GALNTL6: variants seen among roughly 807,000 people sequenced by gnomAD.
The protein encoded by GALNTL6 is polypeptide N-acetylgalactosaminyltransferase-like 6.
Under a neutral mutation model 73.7 loss-of-function variants are expected in GALNTL6, and 46 were observed. The ratio of observed to expected loss-of-function variants is 0.62; its 90% confidence interval spans 0.49 to 0.80. The LOEUF (loss-of-function observed/expected upper bound fraction) is 0.80, where lower values mean the gene tolerates loss of function less well. Ranked by LOEUF, GALNTL6 falls within the 30% of genes least tolerant of loss-of-function variation. GALNTL6 has a pLI of 0.00. For synonymous variants in GALNTL6, 259 were observed against 263.7 expected, an observed-to-expected ratio of 0.98 and a Z score of 0.17; for missense variants, 604 against 755.0, an observed-to-expected ratio of 0.80 and a Z score of 2.34.
chr4:172,642,053 G>A (rs979323122), intron 5 of GALNTL6, among the ~76,000 whole-genome samples: 35 of 151,954 alleles, frequency 2.3e-4, no homozygotes, highest in African/African-American at 8.5e-4. Flanking sequence ...TATTAGAATG[G>A]TTATTATCAA....
At chr4:172,325,940 T>G (rs1740926230) in intron 4 of GALNTL6, among the ~76,000 whole-genome samples, 1 of 151,848 alleles carries the variant, frequency 6.6e-6, no homozygotes, top group African/African-American at 2.4e-5. Flanking sequence ...ATGAAATATT[T>G]ATCGAAACAG....
At chr4:172,308,590 A>G (rs532715042) in intron 3 of GALNTL6, among the ~76,000 whole-genome samples, 22 of 152,226 alleles carry the variant, frequency 1.4e-4, no homozygotes, top group Non-Finnish European at 2.9e-4. Context: ...TGAGATAATC[A>G]TATGATTTTT....
Position 171,859,656 on chromosome 4 carries a change from A to G in GALNTL6, c.138+44938A>G, listed in dbSNP as rs375379249. 5.3e-5 allele frequency among the ~76,000 whole-genome samples: 8 copies of G among 152,250 alleles called. No individual in the cohort carries two copies. In the East Asian group the frequency reaches 5.8e-4, roughly 11 times the overall value. ...TTCTAGGCAGAGATAGTAGAGTTGC[A>G]AAAGGACCCACGTAGTTCTCCCAGC... On this transcript the variant is annotated intron_variant, in intron 2 of 12. Coordinates refer to ENST00000506823, the MANE Select transcript of GALNTL6 (RefSeq NM_001034845.3).
At chr4:172,309,462 G>A (rs1233661152) in intron 3 of GALNTL6, among the ~76,000 whole-genome samples, 4 of 151,716 alleles carry the variant, frequency 2.6e-5, no homozygotes, top group South Asian at 2.1e-4. Flanking sequence ...TGTTTTAAAG[G>A]GTACTAGAAA....
intron 5 of GALNTL6, among the ~76,000 whole-genome samples, chr4:172,601,258 A>G (rs904953721): frequency 1.3e-5 from 2 of 152,216 alleles, no homozygotes; most frequent in African/African-American, 4.8e-5. Context: ...TCTGAAGTTC[A>G]GAGAAAATGA....
intron 5 of GALNTL6, among the ~76,000 whole-genome samples, chr4:172,379,199 T>A (rs1478312418): frequency 1.3e-5 from 2 of 152,174 alleles, no homozygotes; most frequent in South Asian, 4.1e-4. Context: ...ATCTACAGCA[T>A]CTAAATAAAG....
At chr4:171,927,872 G>A (rs1241235821) in intron 2 of GALNTL6, among the ~76,000 whole-genome samples, 1 of 152,110 alleles carries the variant, frequency 6.6e-6, no homozygotes, top group African/African-American at 2.4e-5. Context: ...GTCACACAAA[G>A]TTCTTTCTTT....
intron 2 of GALNTL6, among the ~76,000 whole-genome samples, chr4:172,168,637 G>A (rs577590485): frequency 2.0e-5 from 3 of 152,112 alleles, no homozygotes; most frequent in African/African-American, 7.2e-5. Context: ...TGATGGTGAT[G>A]TTGATGAAGC....
intron 2 of GALNTL6, among the ~76,000 whole-genome samples, chr4:172,178,276 A>G (rs1296337967): frequency 6.6e-6 from 1 of 152,056 alleles, no homozygotes; most frequent in Non-Finnish European, 1.5e-5. Flanking sequence ...TTTGAGTTCT[A>G]TTTTCTTTTT....
chr4:173,038,244 T>A (rs985938178), intron 12 of GALNTL6, among the ~76,000 whole-genome samples: 16 of 152,164 alleles, frequency 1.1e-4, no homozygotes, highest in African/African-American at 3.9e-4. Flanking sequence ...TGGTTGGGGC[T>A]GGGAGAATGA....
Position 172,863,672 on chromosome 4 carries a change from G to GTGAGACTT in GALNTL6, c.924-19114_924-19107dup, listed in dbSNP as rs200382649. Among the ~76,000 whole-genome samples, 1,247 of 152,260 alleles carry GTGAGACTT rather than the reference G, an allele frequency of 8.2e-3. 23 individuals are homozygous for GTGAGACTT. The highest frequency in any genetic ancestry group is 0.027 in the African/African-American group (1,124 of 41,542). ...TCAGAAGAGATTTGCCTTGTCTCAG[G>GTGAGACTT]TGAGACTTTGAACTGTGTACTTTTG... On this transcript the variant is annotated intron_variant, in intron 7 of 12. Transcript: ENST00000506823.
At chr4:172,452,088 G>C (rs750652099) in intron 5 of GALNTL6, among the ~76,000 whole-genome samples, 1 of 152,104 alleles carries the variant, frequency 6.6e-6, no homozygotes, top group East Asian at 1.9e-4. Flanking sequence ...TGAATTCAGA[G>C]TATTCCAGAA....
At position 172,229,783 on chromosome 4, in the gene GALNTL6, G is replaced by A. The variant is rs73870041; in HGVS notation, c.247+19G>A. On this transcript the variant is annotated intron_variant, in intron 3 of 12. Transcript: ENST00000506823. ...CGCTCAGGTATGAAGCTCAGTGTAC[G>A]CCAAAGTGCTATTTCACTCGCAGCA... 23 of 1,454,202 alleles carry A rather than the reference G, an allele frequency of 1.6e-5. No homozygotes were observed. Among genetic ancestry groups the A allele is most frequent in the South Asian group, 4.6e-5 (4 of 86,912 alleles). The allele number at this position is 1,454,202 out of a possible 1,614,324, so 90.1% of individuals were successfully genotyped here. A position where few individuals can be genotyped will look rare whatever the true frequency, so the allele number is the denominator to read the frequency against.
At position 172,585,545 on chromosome 4, in the gene GALNTL6, T is replaced by C. The variant is rs148777509; in HGVS notation, c.554-223816T>C. 4.9e-4 allele frequency among the ~76,000 whole-genome samples: 75 copies of C among 152,314 alleles called. 2 individuals carry two copies. In the South Asian group the frequency reaches 0.015, roughly 31 times the overall value. Reference sequence around the variant, plus strand: ...TCCTGTATTAGTTTGCTGAGAATGATGGTTTCCAGCTTCATTCATGTCCCT... The same window carrying C: ...TCCTGTATTAGTTTGCTGAGAATGACGGTTTCCAGCTTCATTCATGTCCCT... On this transcript the variant is annotated intron_variant, in intron 5 of 12. Coordinates refer to ENST00000506823, the MANE Select transcript of GALNTL6 (RefSeq NM_001034845.3).
chr4:172,820,706 T>G (rs1741876010), intron 7 of GALNTL6, among the ~76,000 whole-genome samples: 1 of 152,218 alleles, frequency 6.6e-6, no homozygotes, highest in South Asian at 2.1e-4. Context: ...GTTCATTCCC[T>G]GCTTCTCAAG....
chr4:172,341,646 A>T (rs1037200998), intron 4 of GALNTL6, among the ~76,000 whole-genome samples: 5 of 152,056 alleles, frequency 3.3e-5, no homozygotes, highest in Non-Finnish European at 7.4e-5. Context: ...GGGTATCACG[A>T]GATCTAATGG....
chr4:171,932,366 A>T lies in GALNTL6; in HGVS notation c.138+117648A>T, dbSNP rs139863174. Among the ~76,000 whole-genome samples the T allele has an allele frequency of 1.2e-4, 19 of 152,310 alleles. No homozygotes were observed. In the East Asian group the frequency reaches 3.5e-3, roughly 28 times the overall value. Reference sequence around the variant, plus strand: ...TTCCGTAGTCAACAACCAAAAAGTGAATTGTGCTTGGTGGAAACCGAGTGT... The same window carrying T: ...TTCCGTAGTCAACAACCAAAAAGTGTATTGTGCTTGGTGGAAACCGAGTGT... On this transcript the variant is annotated intron_variant, in intron 2 of 12. Coordinates refer to ENST00000506823, the MANE Select transcript of GALNTL6 (RefSeq NM_001034845.3).
intron 5 of GALNTL6, among the ~76,000 whole-genome samples, chr4:172,587,102 C>A (rs1737440894): frequency 6.6e-6 from 1 of 151,408 alleles, no homozygotes; most frequent in Non-Finnish European, 1.5e-5. Context: ...TGTGTGTGCA[C>A]ATGTGAAAAT....
chr4:172,129,798 C>T (rs188232313), intron 2 of GALNTL6, among the ~76,000 whole-genome samples: 1 of 152,158 alleles, frequency 6.6e-6, no homozygotes, highest in Non-Finnish European at 1.5e-5. Flanking sequence ...AAGAACTTGC[C>T]AAAGTAAGAG....
Sources: gnomAD v4.1 joint callset for allele counts (sites outside exome capture counted in the v4.1 genomes callset) on GRCh38, gnomAD v4.1.1 for gene constraint, MANE v1.5 for transcripts, NCBI Gene and HGNC (gene_info 2026-07-23, HGNC 2026-07-21) for gene names.